The following MYRIP variants were observed in gnomAD, a reference collection of about 807,000 sequenced individuals.
MYRIP encodes myosin VIIA and Rab interacting protein.
MYRIP carries 49 observed loss-of-function variants against 98.0 expected under a neutral mutation model. That is an observed-to-expected ratio of 0.50 (90% CI 0.40 to 0.63). The LOEUF is 0.63. Among genes scored for constraint, MYRIP ranks in the 30% least tolerant of loss-of-function variants. The pLI is 0.00. For synonymous variants in MYRIP, 404 were observed against 409.5 expected, an observed-to-expected ratio of 0.99 and a Z score of 0.16; for missense variants, 1,004 against 1,058.2, an observed-to-expected ratio of 0.95 and a Z score of 0.71.
intron 2 of MYRIP, among the ~76,000 whole-genome samples, chr3:39,975,405 A>G (rs1312038812): frequency 6.6e-6 from 1 of 151,990 alleles, no homozygotes; most frequent in African/African-American, 2.4e-5. Context: ...AGAGGATACA[A>G]ACAAATGGAA....
intron 1 of MYRIP, among the ~76,000 whole-genome samples, chr3:39,827,293 T>C (rs1354686044): frequency 6.6e-6 from 1 of 152,088 alleles, no homozygotes; most frequent in Non-Finnish European, 1.5e-5. Flanking sequence ...AAAATTTCTT[T>C]GTAGAGATGG....
intron 2 of MYRIP, among the ~76,000 whole-genome samples, chr3:40,014,529 T>G (rs1041078462): frequency 3.3e-5 from 5 of 152,134 alleles, no homozygotes; most frequent in African/African-American, 4.8e-5. Context: ...CCTGGGACAC[T>G]TGGACCCACA....
At chr3:40,178,217 T>G (rs1950810750) in intron 8 of MYRIP, among the ~76,000 whole-genome samples, 1 of 152,232 alleles carries the variant, frequency 6.6e-6, no homozygotes, top group Non-Finnish European at 1.5e-5. Context: ...ATGATAATCA[T>G]AGCAATCATA....
At chr3:39,823,940 C>T (rs977155083) in intron 1 of MYRIP, among the ~76,000 whole-genome samples, 1 of 151,942 alleles carries the variant, frequency 6.6e-6, no homozygotes, top group African/African-American at 2.4e-5. Flanking sequence ...AGATCAATGT[C>T]CTAAAGTATT....
chr3:39,874,340 C>T (rs1942907823), intron 1 of MYRIP, among the ~76,000 whole-genome samples: 1 of 151,646 alleles, frequency 6.6e-6, no homozygotes, highest in Non-Finnish European at 1.5e-5. Context: ...ATTTCCTTCT[C>T]CTGCCTAATT....
rs548065241 is a variant in MYRIP, at chr3:40,135,380, A to G, written c.333-15668A>G. Among the ~76,000 whole-genome samples, 4 of 152,392 alleles carry G rather than the reference A, an allele frequency of 2.6e-5. No homozygotes were observed. The South Asian group carries it at 8.3e-4, about 32-fold the overall frequency. ...AAAAGCCTCCAAGAAATATGGGACT[A>G]TGTGAAAAGACCAAATCTACATCTG... On this transcript the variant is annotated intron_variant, in intron 3 of 16. Coordinates refer to ENST00000302541, the MANE Select transcript of MYRIP (RefSeq NM_015460.4).
chr3:39,933,909 G>A (rs1398954545), intron 2 of MYRIP, among the ~76,000 whole-genome samples: 1 of 152,170 alleles, frequency 6.6e-6, no homozygotes, highest in Non-Finnish European at 1.5e-5. Flanking sequence ...GTTCTCAAAA[G>A]TAGGCTTCTT....
At chr3:39,990,500 GAATT>G in intron 2 of MYRIP, among the ~76,000 whole-genome samples, 1 of 152,282 alleles carries the variant, frequency 6.6e-6, no homozygotes, top group Middle Eastern at 3.4e-3. Context: ...ACTGCTCATA[GAATT>G]ATTTTGAGGC....
chr3:40,122,097 T>C (rs1329429885), intron 3 of MYRIP, among the ~76,000 whole-genome samples: 3 of 152,162 alleles, frequency 2.0e-5, no homozygotes, highest in Non-Finnish European at 2.9e-5. Context: ...ATCAATAATA[T>C]TTTCAAAATT....
intron 11 of MYRIP, among the ~76,000 whole-genome samples, chr3:40,217,494 T>C (rs574918524): frequency 6.6e-6 from 1 of 152,348 alleles, no homozygotes; most frequent in African/African-American, 2.4e-5. Context: ...TATTAAATTC[T>C]TAGCTTGATG....
intron 3 of MYRIP, among the ~76,000 whole-genome samples, chr3:40,129,355 C>T (rs1017590896): frequency 2.9e-5 from 4 of 137,444 alleles, no homozygotes; most frequent in Non-Finnish European, 4.6e-5. Context: ...GCAGGAGAAT[C>T]GCTTCAACCT....
intron 1 of MYRIP, among the ~76,000 whole-genome samples, chr3:39,856,163 TCA>T (rs1389311804): frequency 1.3e-5 from 2 of 152,258 alleles, no homozygotes; most frequent in African/African-American, 4.8e-5. Context: ...CTTTGGGAAC[TCA>T]CAGTTTTTGG....
At chr3:40,226,721 G>A (rs897976394) in intron 11 of MYRIP, among the ~76,000 whole-genome samples, 5 of 152,204 alleles carry the variant, frequency 3.3e-5, no homozygotes, top group African/African-American at 1.2e-4. Flanking sequence ...CTAGGGTGGT[G>A]AGGAGGGTGA....
At chr3:39,878,038 C>T (rs1009168492) in intron 1 of MYRIP, among the ~76,000 whole-genome samples, 4 of 152,376 alleles carry the variant, frequency 2.6e-5, no homozygotes, top group African/African-American at 9.6e-5. Context: ...CCTAAGCAAG[C>T]CTGGGCAATG....
At chr3:39,987,239 T>A (rs187751740) in intron 2 of MYRIP, among the ~76,000 whole-genome samples, 1 of 152,312 alleles carries the variant, frequency 6.6e-6, no homozygotes, top group Admixed American at 6.5e-5. Flanking sequence ...TTCCCACTTG[T>A]GAGCGAGATC....
intron 4 of MYRIP, among the ~76,000 whole-genome samples, chr3:40,157,088 T>C (rs1216491043): frequency 2.0e-5 from 3 of 148,696 alleles, no homozygotes; most frequent in Non-Finnish European, 3.0e-5. Flanking sequence ...TCAAAGGGAA[T>C]GCTTCCAGTT....
chr3:39,980,105 A>G (rs1479088311), intron 2 of MYRIP, among the ~76,000 whole-genome samples: 2 of 152,360 alleles, frequency 1.3e-5, no homozygotes, highest in East Asian at 1.9e-4. Flanking sequence ...TGGGTTCTCC[A>G]AAAGCAAAGC....
At chr3:40,019,534 G>A (rs1023480559) in intron 2 of MYRIP, among the ~76,000 whole-genome samples, 1 of 152,020 alleles carries the variant, frequency 6.6e-6, no homozygotes, top group Non-Finnish European at 1.5e-5. Flanking sequence ...CTTGTACCTC[G>A]GACTTTGTTC....
chr3:39,997,223 C>CA (rs1298095049), intron 2 of MYRIP, among the ~76,000 whole-genome samples: 1 of 151,774 alleles, frequency 6.6e-6, no homozygotes, highest in Non-Finnish European at 1.5e-5. Flanking sequence ...AAAAACCCTT[C>CA]AAAAAATCAA....
Sources: allele counts gnomAD v4.1 joint callset (sites outside exome capture counted in the v4.1 genomes callset), GRCh38; gene constraint gnomAD v4.1.1; transcripts MANE v1.5; gene names NCBI Gene and HGNC (gene_info 2026-07-23, HGNC 2026-07-21).